The following CSMD1 variants were observed in gnomAD, a reference collection of about 807,000 sequenced individuals.
CSMD1 encodes CUB and sushi domain-containing protein 1.
Under a neutral mutation model 417.5 loss-of-function variants are expected in CSMD1, and 213 were observed. That is an observed-to-expected ratio of 0.51 (90% CI 0.46 to 0.57). The LOEUF (loss-of-function observed/expected upper bound fraction) is 0.57. Ranked by LOEUF, CSMD1 falls within the 20% of genes least tolerant of loss-of-function variation. The pLI is 0.00. For missense variants in CSMD1, 6,923 were observed against 4,529.7 expected, an observed-to-expected ratio of 1.53 and a Z score of -15.17; for synonymous variants, 2,862 against 1,736.8, an observed-to-expected ratio of 1.65 and a Z score of -16.11.
chr8:3,603,925 C>G (rs1484581475), intron 8 of CSMD1, among the ~76,000 whole-genome samples: 1 of 152,160 alleles, frequency 6.6e-6, no homozygotes. Context: ...TGCAAAGAAA[C>G]AGCAGCTTTT....
At chr8:4,961,608 G>A (rs769433389) in intron 1 of CSMD1, among the ~76,000 whole-genome samples, 9 of 152,050 alleles carry the variant, frequency 5.9e-5, no homozygotes, top group African/African-American at 1.2e-4. Context: ...ATTCTGTGCC[G>A]TTTTGTCGCT....
intron 2 of CSMD1, among the ~76,000 whole-genome samples, chr8:4,616,985 A>G (rs868857454): frequency 3.9e-5 from 6 of 152,090 alleles, no homozygotes; most frequent in African/African-American, 1.2e-4. Context: ...TACCTAATAG[A>G]TTCCTTAATA....
At chr8:4,023,269 C>A (rs1207394171) in intron 4 of CSMD1, among the ~76,000 whole-genome samples, 2 of 152,212 alleles carry the variant, frequency 1.3e-5, no homozygotes, top group African/African-American at 2.4e-5. Context: ...AACATCTGAA[C>A]CAACTACCCA....
intron 3 of CSMD1, among the ~76,000 whole-genome samples, chr8:4,119,172 A>T (rs1177828165): frequency 1.3e-5 from 2 of 152,136 alleles, no homozygotes; most frequent in African/African-American, 2.4e-5. Context: ...ATGGTTTGAT[A>T]GGTGCAGCAA....
At chr8:3,409,744 C>A (rs957911693) in intron 12 of CSMD1, 139 bp from the exon 13 acceptor site, 3 of 619,742 alleles carry the variant, frequency 4.8e-6, no homozygotes, top group Non-Finnish European at 8.2e-6. Flanking sequence ...AAAGGATATT[C>A]AATTGATCTT....
chr8:4,368,651 A>C (rs1370837640), intron 3 of CSMD1, among the ~76,000 whole-genome samples: 1 of 152,010 alleles, frequency 6.6e-6, no homozygotes, highest in East Asian at 1.9e-4. Context: ...TTTGGAACTT[A>C]TTGGTCTGTT....
intron 1 of CSMD1, among the ~76,000 whole-genome samples, chr8:4,973,368 A>T (rs1367592291): frequency 6.6e-6 from 1 of 152,166 alleles, no homozygotes; most frequent in Non-Finnish European, 1.5e-5. Context: ...CATTTCAGTG[A>T]TTTTTGTGAA....
chr8:4,933,134 G>A (rs1343368261), intron 1 of CSMD1, among the ~76,000 whole-genome samples: 1 of 151,916 alleles, frequency 6.6e-6, no homozygotes, highest in Non-Finnish European at 1.5e-5. Flanking sequence ...TTCTCTATCT[G>A]GTATATGTTT....
chr8:3,100,204 A>C (rs569180510), intron 46 of CSMD1, among the ~76,000 whole-genome samples: 1 of 151,662 alleles, frequency 6.6e-6, no homozygotes, highest in South Asian at 2.1e-4. Flanking sequence ...GGCGCACACC[A>C]CCCCTCCTGG....
At chr8:3,505,534 C>G (rs7016634) in intron 10 of CSMD1, among the ~76,000 whole-genome samples, 112,766 of 152,106 alleles carry the variant, frequency 0.74, 42,329 homozygotes, top group East Asian at 0.95. Flanking sequence ...AGCTGTATGA[C>G]AATAATAGGA....
At chr8:4,107,246 C>A (rs1306771901) in intron 3 of CSMD1, among the ~76,000 whole-genome samples, 2 of 152,154 alleles carry the variant, frequency 1.3e-5, no homozygotes, top group South Asian at 2.1e-4. Flanking sequence ...GAATGGAAAC[C>A]CAGTTCCAGC....
At chr8:3,087,673 A>G (rs1397910854) in intron 48 of CSMD1, among the ~76,000 whole-genome samples, 1 of 152,210 alleles carries the variant, frequency 6.6e-6, no homozygotes, top group African/African-American at 2.4e-5. Context: ...AAATCTTATA[A>G]TGTTTTAAGA....
chr8:3,186,088 C>T (rs1348761406), intron 36 of CSMD1, among the ~76,000 whole-genome samples: 6 of 150,132 alleles, frequency 4.0e-5, no homozygotes, highest in Admixed American at 1.3e-4. Context: ...CCATCACCTA[C>T]CTGTAATGCT....
chr8:4,396,322 C>A (rs1385976804), intron 3 of CSMD1, among the ~76,000 whole-genome samples: 2 of 151,478 alleles, frequency 1.3e-5, no homozygotes, highest in South Asian at 2.1e-4. Flanking sequence ...AAAAAAATAG[C>A]CAGGCATGGT....
intron 3 of CSMD1, among the ~76,000 whole-genome samples, chr8:4,299,678 G>C (rs562613468): frequency 6.6e-6 from 1 of 152,162 alleles, no homozygotes; most frequent in African/African-American, 2.4e-5. Context: ...TCTGTCGCCA[G>C]GCTGGATGCA....
intron 3 of CSMD1, among the ~76,000 whole-genome samples, chr8:4,321,334 C>T (rs538156217): frequency 7.2e-5 from 11 of 152,110 alleles, no homozygotes; most frequent in Non-Finnish European, 1.2e-4. Context: ...AATGGCCATA[C>T]GTCTTCTCTC....
At chr8:3,896,306 A>G (rs758534043) in intron 5 of CSMD1, among the ~76,000 whole-genome samples, 1 of 152,174 alleles carries the variant, frequency 6.6e-6, no homozygotes, top group African/African-American at 2.4e-5. Flanking sequence ...GGAAAAATGC[A>G]TAAATGTATT....
intron 5 of CSMD1, among the ~76,000 whole-genome samples, chr8:3,906,289 TA>T (rs1808103684): frequency 2.9e-5 from 3 of 102,766 alleles, no homozygotes. Context: ...TCAATTGTCA[TA>T]GGGAAAAAAA....
intron 5 of CSMD1, among the ~76,000 whole-genome samples, chr8:3,978,589 G>A (rs1045792999): frequency 6.6e-6 from 1 of 152,100 alleles, no homozygotes; most frequent in South Asian, 2.1e-4. Context: ...TGAATAGATT[G>A]AGGCATGTTG....
Sources: allele counts gnomAD v4.1 joint callset (sites outside exome capture counted in the v4.1 genomes callset), GRCh38; gene constraint gnomAD v4.1.1; transcripts MANE v1.5; gene names NCBI Gene and HGNC (gene_info 2026-07-23, HGNC 2026-07-21).